SNX4: variants seen among roughly 807,000 people sequenced by gnomAD.
The protein encoded by SNX4 is sorting nexin 4, also known as sorting nexin-4.
A neutral mutation model predicts 70.8 loss-of-function variants in SNX4; 49 were observed. The observed-to-expected ratio is 0.69, with a 90% CI of 0.55 to 0.88. The LOEUF is 0.88. SNX4 is among the 40% of genes least tolerant of loss of function. The pLI is 0.00. For missense variants in SNX4, 528 were observed against 544.8 expected (o/e 0.97, Z 0.31); for synonymous variants, 206 against 183.8 (o/e 1.12, Z -0.98).
chr3:125,499,865 C>A (rs1001806690), intron 2 of SNX4, among the ~76,000 whole-genome samples: 1 of 151,644 alleles, frequency 6.6e-6, no homozygotes, highest in East Asian at 1.9e-4. Context: ...TTGAGACCAG[C>A]CTGGCGAACA....
chr3:125,467,084 C>CA (rs538874424), intron 9 of SNX4, among the ~76,000 whole-genome samples: 7,298 of 74,222 alleles, frequency 0.098, 373 homozygotes, highest in Non-Finnish European at 0.15. Flanking sequence ...CTCTGTCTTC[C>CA]AAAAAAAAAA....
intron 1 of SNX4, among the ~76,000 whole-genome samples, chr3:125,505,223 GC>G (rs1935021932): frequency 1.3e-5 from 2 of 152,304 alleles, no homozygotes; most frequent in Non-Finnish European, 2.9e-5. Flanking sequence ...ACCTGCCTTG[GC>G]CTCCCAAAGT....
At chr3:125,500,122 A>T (rs991732753) in intron 2 of SNX4, among the ~76,000 whole-genome samples, 2 of 152,058 alleles carry the variant, frequency 1.3e-5, no homozygotes, top group Non-Finnish European at 2.9e-5. Flanking sequence ...TAGTTTCATT[A>T]TAAACTGACT....
At chr3:125,485,556 C>A (rs1271185359) in intron 6 of SNX4, among the ~76,000 whole-genome samples, 1 of 152,082 alleles carries the variant, frequency 6.6e-6, no homozygotes, top group Non-Finnish European at 1.5e-5. Context: ...CCTTGGCCTC[C>A]CAAAGTGCTG....
chr3:125,516,323 G>A (rs1400172262), intron 1 of SNX4, among the ~76,000 whole-genome samples: 2 of 152,128 alleles, frequency 1.3e-5, no homozygotes, highest in African/African-American at 4.8e-5. Context: ...CTTTCTTAGA[G>A]AATGAATTCC....
intron 13 of SNX4, among the ~76,000 whole-genome samples, chr3:125,448,240 T>C (rs1278054811): frequency 6.6e-6 from 1 of 151,130 alleles, no homozygotes; most frequent in Non-Finnish European, 1.5e-5. Flanking sequence ...TCCTCCCACC[T>C]CAGCCTGCCA....
chr3:125,500,856 C>G (rs1580004606), intron 2 of SNX4, among the ~76,000 whole-genome samples: 3 of 116,154 alleles, frequency 2.6e-5, no homozygotes, highest in Non-Finnish European at 5.4e-5. Flanking sequence ...AGAGTTAACA[C>G]TAATTTTTAA....
intron 10 of SNX4, 45 bp downstream of exon 10, chr3:125,460,726 G>C (rs772078206): frequency 1.1e-6 from 1 of 895,302 alleles, no homozygotes; most frequent in Non-Finnish European, 1.7e-6. Context: ...TGAGGAGAGT[G>C]GTGAACAACC....
intron 10 of SNX4, among the ~76,000 whole-genome samples, chr3:125,458,686 C>T (rs1025900097): frequency 4.0e-5 from 6 of 151,404 alleles, no homozygotes; most frequent in African/African-American, 1.2e-4. Context: ...AGGTGGCAGG[C>T]GCCTGTACTC....
At chr3:125,490,524 C>CAAAAA (rs1173858739) in intron 5 of SNX4, among the ~76,000 whole-genome samples, 126 of 48,816 alleles carry the variant, frequency 2.6e-3, no homozygotes, top group African/African-American at 5.7e-3. Flanking sequence ...ACTCTGTCTC[C>CAAAAA]AAAAAAAAAA....
At chr3:125,509,673 A>G (rs1427339981) in intron 1 of SNX4, among the ~76,000 whole-genome samples, 1 of 140,714 alleles carries the variant, frequency 7.1e-6, no homozygotes, top group African/African-American at 2.7e-5. Flanking sequence ...GAATCACTTG[A>G]GCCTGGGAGG....
At chr3:125,474,590 A>G (rs1269294703) in intron 8 of SNX4, among the ~76,000 whole-genome samples, 1 of 152,246 alleles carries the variant, frequency 6.6e-6, no homozygotes, top group East Asian at 1.9e-4. Context: ...TGCTAGGATT[A>G]CAGATGAGAG....
rs768528076 is a variant in SNX4, at chr3:125,495,936, C to T, written c.597+1405G>A. On this transcript the variant is annotated intron_variant, in intron 5 of 13. Coordinates refer to ENST00000251775, the MANE Select transcript of SNX4 (RefSeq NM_003794.4). ...GATCCATCCCTAAACTCAAATTCTA[C>T]CATTCTCTCTGAGTGTTATAAAGTG... is the stretch of plus-strand genomic sequence containing the variant. Among the ~76,000 whole-genome samples, 4 of 152,290 alleles carry T rather than the reference C, an allele frequency of 2.6e-5. 1 individual carries two copies. In the South Asian group the frequency reaches 6.2e-4, roughly 24 times the overall value.
intron 2 of SNX4, 63 bp from the exon 3 acceptor site, chr3:125,498,257 A>G (rs1183552056): frequency 1.5e-6 from 2 of 1,361,532 alleles, no homozygotes; most frequent in African/African-American, 2.9e-5. Context: ...ACATAAATAC[A>G]ATCACCTTTA....
At chr3:125,494,506 T>A (rs1934735621) in intron 5 of SNX4, among the ~76,000 whole-genome samples, 1 of 152,218 alleles carries the variant, frequency 6.6e-6, no homozygotes, top group Non-Finnish European at 1.5e-5. Context: ...AGTAAGCATA[T>A]ATGATTATGG....
chr3:125,480,377 T>C, intron 6 of SNX4, 58 bp from the exon 7 acceptor site: 3 of 1,176,646 alleles, frequency 2.5e-6, no homozygotes, highest in Non-Finnish European at 2.3e-6. Flanking sequence ...AGTCAAAAAC[T>C]GAAAGAAAAA....
chr3:125,506,306 A>T (rs1294516008), intron 1 of SNX4, among the ~76,000 whole-genome samples: 3 of 151,964 alleles, frequency 2.0e-5, no homozygotes, highest in Non-Finnish European at 2.9e-5. Flanking sequence ...ACATGATGAC[A>T]GATCTACTAG....
chr3:125,468,823 TG>T (rs1040703496), intron 9 of SNX4, among the ~76,000 whole-genome samples: 6 of 146,774 alleles, frequency 4.1e-5, no homozygotes, highest in African/African-American at 1.5e-4. Flanking sequence ...CCCTCCAGCC[TG>T]GGCAACAAAG....
chr3:125,508,052 A>G (rs1288292090), intron 1 of SNX4, among the ~76,000 whole-genome samples: 1 of 152,244 alleles, frequency 6.6e-6, no homozygotes, highest in Non-Finnish European at 1.5e-5. Context: ...CACTGCTAGA[A>G]ATTAAAAGAA....
Sources: gnomAD v4.1 joint callset for allele counts (sites outside exome capture counted in the v4.1 genomes callset) on GRCh38, gnomAD v4.1.1 for gene constraint, MANE v1.5 for transcripts, NCBI Gene and HGNC (gene_info 2026-07-23, HGNC 2026-07-21) for gene names.